CLVS1: variants seen among roughly 807,000 people sequenced by gnomAD.
CLVS1 encodes clavesin-1.
A neutral mutation model predicts 33.1 loss-of-function variants in CLVS1; 10 were observed. The ratio of observed to expected loss-of-function variants is 0.30; its 90% CI spans 0.19 to 0.51. The LOEUF is 0.51. Among genes scored for constraint, CLVS1 ranks in the 20% least tolerant of loss-of-function variants. The probability of loss-of-function intolerance (pLI) is 0.97; values close to 1 mark genes in which losing one functional copy is unlikely to be tolerated. For missense variants in CLVS1, 343 were observed against 433.4 expected (o/e 0.79, Z 1.85); for synonymous variants, 163 against 166.1 (o/e 0.98, Z 0.14).
rs116475536 is a variant in CLVS1, at chr8:61,432,319, C to T, written c.631-21822C>T. Among the ~76,000 whole-genome samples the T allele has an allele frequency of 6.3e-3, 958 of 152,072 alleles. 15 individuals carry two copies. The highest frequency in any genetic ancestry group is 0.022 in the African/African-American group (901 of 41,472). Reference sequence around the variant, plus strand: ...AACACTATTATGGGACGAATTGTTACCCCCCAAATTCGTCTGTTGAAGCCC... The same window carrying T: ...AACACTATTATGGGACGAATTGTTATCCCCCAAATTCGTCTGTTGAAGCCC... On this transcript the variant is annotated intron_variant, in intron 3 of 5. Transcript: ENST00000325897.
chr8:61,436,779 C>T (rs938541757), intron 3 of CLVS1, among the ~76,000 whole-genome samples: 14 of 152,160 alleles, frequency 9.2e-5, no homozygotes, highest in Admixed American at 7.9e-4. Context: ...GCTGACAACT[C>T]CTGTAGGGGT....
chr8:61,392,367 C>T (rs1370699551), intron 3 of CLVS1, among the ~76,000 whole-genome samples: 3 of 151,784 alleles, frequency 2.0e-5, no homozygotes, highest in Non-Finnish European at 4.4e-5. Context: ...GCCTACTCAA[C>T]TCATCTAAGT....
chr8:61,498,345 A>C (rs1289255170), intron 5 of CLVS1, among the ~76,000 whole-genome samples: 1 of 152,232 alleles, frequency 6.6e-6, no homozygotes, highest in Non-Finnish European at 1.5e-5. Flanking sequence ...GGCTCAGAGG[A>C]GCCAAAGGCC....
At chr8:61,227,863 CA>C (rs75300419) in intron 2 of CLVS1, among the ~76,000 whole-genome samples, 3 of 151,872 alleles carry the variant, frequency 2.0e-5, no homozygotes, top group Non-Finnish European at 2.9e-5. Flanking sequence ...AAGGCCCAGA[CA>C]AAAAAATACT....
chr8:61,294,210 T>A (rs1167418859), intron 1 of CLVS1, among the ~76,000 whole-genome samples: 2 of 152,112 alleles, frequency 1.3e-5, no homozygotes, highest in Admixed American at 6.6e-5. Context: ...AGGCACCTAC[T>A]TGGAGAGCAG....
At chr8:60,966,542 G>C in the CLVS1 span, 2 of 324,452 alleles carry the variant, frequency 6.2e-6, no homozygotes, top group Middle Eastern at 8.3e-4. Flanking sequence ...AGAAACTCTT[G>C]CACAGATTCA....
chr8:61,064,994 C>T (rs1264895665), intron 1 of CLVS1, among the ~76,000 whole-genome samples: 8 of 152,202 alleles, frequency 5.3e-5, no homozygotes, highest in Admixed American at 2.6e-4. Flanking sequence ...TGAGCCACTG[C>T]GCCCAGCCAT....
intron 3 of CLVS1, among the ~76,000 whole-genome samples, chr8:61,400,663 G>T (rs1480007723): frequency 6.6e-6 from 1 of 152,160 alleles, no homozygotes; most frequent in Non-Finnish European, 1.5e-5. Flanking sequence ...GCTACTGGCT[G>T]TGGCTTTTTC....
the CLVS1 span, among the ~76,000 whole-genome samples, chr8:61,014,390 A>G: frequency 1.3e-5 from 2 of 152,156 alleles, no homozygotes; most frequent in Admixed American, 6.5e-5. Context: ...GGTGACTCAT[A>G]CATTTCATTT....
chr8:61,482,057 A>G (rs927248225), intron 5 of CLVS1, among the ~76,000 whole-genome samples: 1 of 152,268 alleles, frequency 6.6e-6, no homozygotes, highest in African/African-American at 2.4e-5. Context: ...GCTATTGTGC[A>G]GCCTCCACTG....
the CLVS1 span, among the ~76,000 whole-genome samples, chr8:61,008,022 G>A: frequency 2.0e-5 from 3 of 152,126 alleles, no homozygotes; most frequent in Admixed American, 6.5e-5. Context: ...GCCCAGGAAC[G>A]AAGGAAATCT....
intron 3 of CLVS1, among the ~76,000 whole-genome samples, chr8:61,400,981 G>A (rs772198335): frequency 1.3e-5 from 2 of 151,772 alleles, no homozygotes; most frequent in Non-Finnish European, 2.9e-5. Context: ...AAGGATATTG[G>A]CCTGAAGTTT....
intron 2 of CLVS1, among the ~76,000 whole-genome samples, chr8:61,338,073 C>T (rs1202737861): frequency 6.6e-6 from 1 of 152,128 alleles, no homozygotes; most frequent in Non-Finnish European, 1.5e-5. Flanking sequence ...CAACAATGTT[C>T]AGTCTTTATG....
rs1051167312 is a variant in CLVS1, at chr8:61,105,650, T to A, written c.-242-26120T>A. Among the ~76,000 whole-genome samples the A allele has an allele frequency of 7.2e-5, 11 of 152,342 alleles. No individual in the cohort carries two copies. The East Asian group carries it at 2.1e-3, about 29-fold the overall frequency. On this transcript the variant is annotated intron_variant, in intron 1 of 2. Coordinates refer to the CLVS1 transcript ENST00000522621. The stretch of plus-strand genomic sequence containing the variant: ...AAATACTTGTAGAGACTGTCATTTG[T>A]AAATAAGTAAATTAATTTCAAGGCA...
intron 2 of CLVS1, among the ~76,000 whole-genome samples, chr8:61,247,074 CTGCCTTAGTG>C (rs986607957): frequency 6.6e-6 from 1 of 152,134 alleles, no homozygotes; most frequent in African/African-American, 2.4e-5. Flanking sequence ...TTTTGTGTTC[CTGCCTTAGTG>C]TGCTAAGAAT....
chr8:61,319,628 C>T (rs192123171), intron 2 of CLVS1, among the ~76,000 whole-genome samples: 73 of 152,228 alleles, frequency 4.8e-4, no homozygotes, highest in African/African-American at 1.7e-3. Flanking sequence ...ACCCTCATTC[C>T]TCTGATGAGT....
chr8:61,064,497 G>A (rs1021384464), intron 1 of CLVS1, among the ~76,000 whole-genome samples: 1 of 149,398 alleles, frequency 6.7e-6, no homozygotes, highest in African/African-American at 2.5e-5. Context: ...AGCTATCTGA[G>A]TATCTTCTTT....
chr8:61,132,234 C>T (rs891840722), intron 2 of CLVS1, among the ~76,000 whole-genome samples: 1 of 152,246 alleles, frequency 6.6e-6, no homozygotes, highest in Non-Finnish European at 1.5e-5. Context: ...AGTCTTGTTG[C>T]CTGAGGTCTC....
intron 2 of CLVS1, among the ~76,000 whole-genome samples, chr8:61,139,823 C>T (rs1165417786): frequency 6.6e-6 from 1 of 152,146 alleles, no homozygotes; most frequent in Non-Finnish European, 1.5e-5. Context: ...CCCCGCCATT[C>T]TCCTTCCCGG....
Sources: allele counts gnomAD v4.1 joint callset (sites outside exome capture counted in the v4.1 genomes callset), GRCh38; gene constraint gnomAD v4.1.1; transcripts MANE v1.5; gene names NCBI Gene and HGNC (gene_info 2026-07-23, HGNC 2026-07-21).